The following CAST variants were observed in gnomAD, a reference collection of about 807,000 sequenced individuals.
The protein encoded by CAST is MIR583 host.
Under a neutral mutation model 119.6 loss-of-function variants are expected in CAST, and 76 were observed. The ratio of observed to expected loss-of-function variants is 0.64; its 90% CI spans 0.53 to 0.77. The LOEUF is 0.77. Ranked by LOEUF, CAST falls within the 30% of genes least tolerant of loss-of-function variation. The pLI, the probability that CAST is intolerant of heterozygous loss-of-function variation, is 0.00. For synonymous variants in CAST, 319 were observed against 331.6 expected (o/e 0.96, Z 0.41); for missense variants, 953 against 946.5 (o/e 1.01, Z -0.09).
chr5:96,740,767 C>A lies in CAST; in HGVS notation c.902C>A (p.Pro301His). The A allele has an allele frequency of 6.3e-7, 1 of 1,596,616 alleles. No individual in the cohort carries two copies. The highest frequency in any genetic ancestry group is 8.6e-7 in the Non-Finnish European group (1 of 1,163,944). The change falls in exon 13 of 32, where the codon CCT becomes CAT. Residue 301 changes from proline (P) to histidine (H), a missense_variant. Transcript: ENST00000675179. The stretch of plus-strand genomic sequence containing the variant: ...CAGAAAAAGGAAGGGATCACAGGGC[C>A]TCCTGCAGACTCTTCGGTGAGTTTA... Reference protein sequence around the residue: ...LLAKKEGITGPPADSSKPIGP... With the variant: ...LLAKKEGITGHPADSSKPIGP...
At chr5:96,305,939 T>C in the CAST span, among the ~76,000 whole-genome samples, 1 of 152,194 alleles carries the variant, frequency 6.6e-6, no homozygotes. Context: ...CTCTGCCAGG[T>C]TTTGGTATCA....
At chr5:96,512,874 T>C in the CAST span, among the ~76,000 whole-genome samples, 8 of 152,208 alleles carry the variant, frequency 5.3e-5, no homozygotes. Context: ...CAAACGAAGA[T>C]TTTTTTCAGT....
the CAST span, among the ~76,000 whole-genome samples, chr5:96,046,545 G>A: frequency 1.3e-5 from 2 of 152,210 alleles, no homozygotes; most frequent in Admixed American, 6.5e-5. Context: ...TGCCCTAAGT[G>A]TGTTAAGACT....
rs748717674 is a variant in CAST at position 96,726,807 on chromosome 5, G to T, written c.284G>T (p.Ser95Ile). The T allele has an allele frequency of 4.3e-6, 7 of 1,613,010 alleles. No individual in the cohort carries two copies. The highest frequency in any genetic ancestry group is 5.9e-6 in the Non-Finnish European group (7 of 1,179,190). ...CTCTTATATTAGGCCATTCCAGTCA[G>T]CCAACAGATGGAAGGACCACATCTT... Reference protein sequence around the residue: ...NPTETKAIPVSQQMEGPHLPN... With the variant: ...NPTETKAIPVIQQMEGPHLPN... The change falls in exon 5 of 32, where the codon AGC (serine) becomes ATC (isoleucine). Residue 95 changes from serine (S) to isoleucine (I), a missense_variant. Transcript: ENST00000675179.
the CAST span, among the ~76,000 whole-genome samples, chr5:96,465,097 AATC>A: frequency 1.3e-5 from 2 of 152,056 alleles, no homozygotes; most frequent in African/African-American, 4.8e-5. Flanking sequence ...AAATTTGTAT[AATC>A]ATCTCTGTAT....
chr5:96,371,593 GTC>G, the CAST span, among the ~76,000 whole-genome samples: 1 of 152,164 alleles, frequency 6.6e-6, no homozygotes, highest in Admixed American at 6.5e-5. Context: ...GAGGCTCTCT[GTC>G]TCTTTCACTC....
chr5:96,347,955 C>G, the CAST span, among the ~76,000 whole-genome samples: 3 of 152,170 alleles, frequency 2.0e-5, no homozygotes, highest in East Asian at 1.9e-4. Flanking sequence ...CCCCCAAACC[C>G]CAATAGTTAA....
the CAST span, among the ~76,000 whole-genome samples, chr5:95,979,987 G>A: frequency 2.6e-5 from 4 of 151,812 alleles, no homozygotes; most frequent in African/African-American, 9.7e-5. Context: ...GCATGGTGGT[G>A]GGCACCTGTA....
chr5:96,217,408 T>G, the CAST span, among the ~76,000 whole-genome samples: 1 of 152,080 alleles, frequency 6.6e-6, no homozygotes, highest in African/African-American at 2.4e-5. Context: ...AAATAATTGT[T>G]TCTTTCTGTT....
the CAST span, among the ~76,000 whole-genome samples, chr5:96,511,334 G>A: frequency 5.3e-4 from 80 of 152,014 alleles, no homozygotes; most frequent in African/African-American, 1.7e-3. Flanking sequence ...TAGTAGAGAC[G>A]GGTTTCATCA....
upstream of CAST, among the ~76,000 whole-genome samples, chr5:96,526,808 G>A (rs1430160975): frequency 6.6e-6 from 1 of 152,204 alleles, no homozygotes; most frequent in Non-Finnish European, 1.5e-5. Flanking sequence ...CCAAGGTTGA[G>A]GACACACCCA....
intron 1 of CAST, among the ~76,000 whole-genome samples, chr5:96,591,527 T>C (rs1746962047): frequency 6.6e-6 from 1 of 152,126 alleles, no homozygotes; most frequent in Admixed American, 6.5e-5. Context: ...TACAGGACAA[T>C]AAAGGAGGCA....
the CAST span, among the ~76,000 whole-genome samples, chr5:96,359,888 C>T: frequency 7.9e-5 from 12 of 152,202 alleles, no homozygotes; most frequent in East Asian, 5.8e-4. Flanking sequence ...CTGTCTTGCC[C>T]GGTTGGGGAA....
the CAST span, among the ~76,000 whole-genome samples, chr5:96,347,557 T>G: frequency 2.6e-5 from 4 of 152,260 alleles, no homozygotes; most frequent in Non-Finnish European, 2.9e-5. Context: ...CCTTCATCAC[T>G]GGCGGGTCCT....
At chr5:96,513,771 G>A in the CAST span, among the ~76,000 whole-genome samples, 4 of 152,148 alleles carry the variant, frequency 2.6e-5, no homozygotes, top group African/African-American at 9.7e-5. Flanking sequence ...TCCTAGGGTT[G>A]CCATAACAAA....
chr5:96,291,702 CTT>C, the CAST span, among the ~76,000 whole-genome samples: 1 of 152,010 alleles, frequency 6.6e-6, no homozygotes. Context: ...GCATGGAAGA[CTT>C]AGCTTTCTAT....
chr5:96,006,809 A>G, the CAST span, among the ~76,000 whole-genome samples: 3 of 152,302 alleles, frequency 2.0e-5, no homozygotes, highest in South Asian at 4.1e-4. Flanking sequence ...TTTCCTTATT[A>G]CTTTCTATAC....
At chr5:96,024,907 G>A in the CAST span, among the ~76,000 whole-genome samples, 3 of 152,122 alleles carry the variant, frequency 2.0e-5, no homozygotes, top group Non-Finnish European at 4.4e-5. Flanking sequence ...TTGATTCCAA[G>A]TAGAGGTCAG....
the CAST span, among the ~76,000 whole-genome samples, chr5:96,184,500 A>G: frequency 0.032 from 4,894 of 151,342 alleles, 261 homozygotes; most frequent in African/African-American, 0.11. Context: ...TCTTCCTGAC[A>G]CTCTCCCTGA....
Sources: gnomAD v4.1 joint callset for allele counts (sites outside exome capture counted in the v4.1 genomes callset) on GRCh38, gnomAD v4.1.1 for gene constraint, MANE v1.5 for transcripts, NCBI Gene and HGNC (gene_info 2026-07-23, HGNC 2026-07-21) for gene names.